The following CAMK4 variants were observed in gnomAD, a reference collection of about 807,000 sequenced individuals.
The protein encoded by CAMK4 is calcium/calmodulin-dependent protein kinase type IV.
In CAMK4, 22 loss-of-function variants were observed where a neutral mutation model predicts 44.9. That is an observed-to-expected ratio of 0.49 (90% CI 0.35 to 0.70). The LOEUF (loss-of-function observed/expected upper bound fraction) is 0.70. CAMK4 is among the 30% of genes least tolerant of loss of function. CAMK4 has a pLI of 0.01. For missense variants in CAMK4, 498 were observed against 586.8 expected (o/e 0.85, Z 1.56); for synonymous variants, 218 against 215.4 (o/e 1.01, Z -0.11).
chr5:111,395,188 C>CGA lies in CAMK4; in HGVS notation c.459+419_459+420dup, dbSNP rs567202528. Among the ~76,000 whole-genome samples the CGA allele has an allele frequency of 2.7e-4, 31 of 115,986 alleles. No individual in the cohort carries two copies. The East Asian group carries it at 5.0e-3, about 19-fold the overall frequency. The allele number at this position is 115,986 out of a possible 152,430, so 76.1% of individuals were successfully genotyped here. A position where few individuals can be genotyped will look rare whatever the true frequency, so the allele number is the denominator to read the frequency against. ...TCACGCCACTGTACTCAAGCCTGGA[C>CGA]GAGAGAGAGAGAGACCCTGTCTCAA... is the stretch of plus-strand genomic sequence containing the variant. On this transcript the variant is annotated intron_variant, in intron 5 of 10. Coordinates refer to ENST00000282356, the MANE Select transcript of CAMK4 (RefSeq NM_001744.6).
chr5:111,400,259 A>C (rs1426323963), intron 5 of CAMK4, among the ~76,000 whole-genome samples: 1 of 152,254 alleles, frequency 6.6e-6, no homozygotes, highest in Non-Finnish European at 1.5e-5. Flanking sequence ...TAAAGAAAAA[A>C]AATTAATTTC....
rs1273278282 is a variant in CAMK4, at chr5:111,485,818, C to G, written c.*1352C>G. On this transcript the variant is annotated 3_prime_UTR_variant, in exon 11 of 11. Transcript: ENST00000282356. Reference sequence around the variant, plus strand: ...TTTTCCCAGAATAAGTTTAATTTCTCTTTGACTTTCATAGAAACACTTTCC... The same window carrying G: ...TTTTCCCAGAATAAGTTTAATTTCTGTTTGACTTTCATAGAAACACTTTCC... The G allele has an allele frequency of 6.6e-6, 1 of 152,090 alleles. No homozygotes were observed. Among genetic ancestry groups the G allele is most frequent in the Non-Finnish European group, 1.5e-5 (1 of 67,994 alleles). The allele number at this position is 152,090 out of a possible 1,614,324, so 9.4% of individuals were successfully genotyped here.
intron 4 of CAMK4, among the ~76,000 whole-genome samples, chr5:111,378,540 T>C (rs1164446300): frequency 6.6e-6 from 1 of 152,196 alleles, no homozygotes; most frequent in Non-Finnish European, 1.5e-5. Context: ...CAACTACATA[T>C]GTATGTGTAA....
chr5:111,367,507 C>T (rs1750837713), intron 2 of CAMK4, among the ~76,000 whole-genome samples: 1 of 152,072 alleles, frequency 6.6e-6, no homozygotes, highest in Non-Finnish European at 1.5e-5. Flanking sequence ...TTGGACAAAA[C>T]TCTGATGGGC....
intron 5 of CAMK4, among the ~76,000 whole-genome samples, chr5:111,414,612 T>A (rs1207946847): frequency 6.6e-6 from 1 of 152,104 alleles, no homozygotes; most frequent in East Asian, 1.9e-4. Flanking sequence ...GAAATAATTA[T>A]TTGCATATAT....
chr5:111,427,722 A>C (rs1256301032), intron 5 of CAMK4, among the ~76,000 whole-genome samples: 1 of 152,186 alleles, frequency 6.6e-6, no homozygotes, highest in African/African-American at 2.4e-5. Flanking sequence ...GCTGCAATAC[A>C]ACAGAATACC....
intron 9 of CAMK4, among the ~76,000 whole-genome samples, chr5:111,480,591 G>A (rs31625): frequency 0.82 from 125,225 of 152,006 alleles, 52,367 homozygotes; most frequent in African/African-American, 0.95. Context: ...GAAGTACACC[G>A]TGAAGTTTCA....
chr5:111,348,192 A>G (rs930449789), intron 2 of CAMK4, among the ~76,000 whole-genome samples: 4 of 152,052 alleles, frequency 2.6e-5, no homozygotes, highest in African/African-American at 9.7e-5. Flanking sequence ...TAAAATAATT[A>G]GGAAGAATTT....
chr5:111,258,747 G>A (rs1749851239), intron 1 of CAMK4, among the ~76,000 whole-genome samples: 1 of 111,782 alleles, frequency 8.9e-6, no homozygotes, highest in African/African-American at 4.1e-5. Context: ...CAGCGTGTGT[G>A]TGTGTGTGTG....
intron 1 of CAMK4, among the ~76,000 whole-genome samples, chr5:111,343,512 A>G (rs1749729246): frequency 6.6e-6 from 1 of 151,792 alleles, no homozygotes; most frequent in Non-Finnish European, 1.5e-5. Context: ...CCTTCTTACC[A>G]TCTGCTTCAC....
intron 1 of CAMK4, among the ~76,000 whole-genome samples, chr5:111,275,100 A>G (rs1359877100): frequency 6.6e-6 from 1 of 152,164 alleles, no homozygotes; most frequent in Non-Finnish European, 1.5e-5. Flanking sequence ...TAACATATCC[A>G]TCACCTCACA....
chr5:111,301,204 T>G (rs1747705714), intron 1 of CAMK4, among the ~76,000 whole-genome samples: 1 of 152,190 alleles, frequency 6.6e-6, no homozygotes, highest in African/African-American at 2.4e-5. Flanking sequence ...AGGCAACATC[T>G]CTTCCTAGCA....
chr5:111,460,271 C>CTTTTT (rs369690377), intron 7 of CAMK4, among the ~76,000 whole-genome samples: 2 of 131,584 alleles, frequency 1.5e-5, no homozygotes, highest in Non-Finnish European at 3.1e-5. Flanking sequence ...TTTTCTTTTT[C>CTTTTT]TTTTTTTTTT....
chr5:111,452,850 G>C (rs991275511), intron 7 of CAMK4, among the ~76,000 whole-genome samples: 8 of 152,152 alleles, frequency 5.3e-5, no homozygotes, highest in Non-Finnish European at 1.2e-4. Flanking sequence ...AAAGTAGTTT[G>C]CCATATTATA....
intron 1 of CAMK4, among the ~76,000 whole-genome samples, chr5:111,323,262 A>T (rs1436048164): frequency 6.6e-6 from 1 of 152,116 alleles, no homozygotes; most frequent in East Asian, 1.9e-4. Context: ...CAAAGATATG[A>T]TATACAGACA....
At chr5:111,417,525 TA>T (rs111230341) in intron 5 of CAMK4, among the ~76,000 whole-genome samples, 122 of 146,092 alleles carry the variant, frequency 8.4e-4, no homozygotes, top group Non-Finnish European at 1.1e-3. Context: ...CCCAGCTAAT[TA>T]AAAAAAAAAA....
chr5:111,238,342 G>A (rs1019015787), intron 1 of CAMK4, among the ~76,000 whole-genome samples: 5 of 152,086 alleles, frequency 3.3e-5, no homozygotes, highest in African/African-American at 1.2e-4. Flanking sequence ...ATGTGCCTTC[G>A]GCAGAAAATT....
intron 1 of CAMK4, among the ~76,000 whole-genome samples, chr5:111,334,019 A>T (rs147627324): frequency 2.6e-5 from 4 of 151,670 alleles, no homozygotes; most frequent in African/African-American, 4.8e-5. Context: ...TGCTTTCTGC[A>T]GGATTCAGCA....
intron 1 of CAMK4, among the ~76,000 whole-genome samples, chr5:111,331,758 G>A (rs967230465): frequency 3.3e-5 from 5 of 151,502 alleles, no homozygotes; most frequent in South Asian, 2.1e-4. Flanking sequence ...TGACATAATC[G>A]ATTAATCCTA....
Sources: allele counts gnomAD v4.1 joint callset (sites outside exome capture counted in the v4.1 genomes callset), GRCh38; gene constraint gnomAD v4.1.1; transcripts MANE v1.5; gene names NCBI Gene and HGNC (gene_info 2026-07-23, HGNC 2026-07-21).